The following CENPW variants were observed in gnomAD, a reference collection of about 807,000 sequenced individuals.
CENPW encodes the protein centromere protein W, also known as cancer-up-regulated gene 2 protein.
A neutral mutation model predicts 11.1 loss-of-function variants in CENPW; 3 were observed. The observed-to-expected ratio is 0.27, with a 90% CI of 0.12 to 0.70. The LOEUF is 0.70. Among genes scored for constraint, CENPW ranks in the 30% least tolerant of loss-of-function variants. The pLI is 0.77. For missense variants in CENPW, 100 were observed against 105.6 expected (o/e 0.95, Z 0.23); for synonymous variants, 38 against 42.0 (o/e 0.91, Z 0.37).
the CENPW span, among the ~76,000 whole-genome samples, chr6:126,440,738 T>G: frequency 6.6e-6 from 1 of 151,652 alleles, no homozygotes; most frequent in Non-Finnish European, 1.5e-5. Flanking sequence ...TCTGCTATAT[T>G]TGGCATTAAT....
At chr6:126,449,475 G>A in the CENPW span, among the ~76,000 whole-genome samples, 3 of 150,988 alleles carry the variant, frequency 2.0e-5, no homozygotes, top group South Asian at 6.2e-4. Flanking sequence ...GGTTCATTCT[G>A]TGTCTCTTTA....
the CENPW span, among the ~76,000 whole-genome samples, chr6:126,403,027 T>C: frequency 6.6e-6 from 1 of 152,120 alleles, no homozygotes; most frequent in African/African-American, 2.4e-5. Context: ...TTATTATGTC[T>C]TTTATGGTGA....
At chr6:126,388,331 T>C in the CENPW span, among the ~76,000 whole-genome samples, 63 of 152,134 alleles carry the variant, frequency 4.1e-4, no homozygotes, top group South Asian at 1.4e-3. Flanking sequence ...TAGATTGCTA[T>C]AATGTACAGG....
chr6:126,452,592 G>A, the CENPW span, among the ~76,000 whole-genome samples: 1 of 150,924 alleles, frequency 6.6e-6, no homozygotes, highest in Non-Finnish European at 1.5e-5. Flanking sequence ...TAGAACAACA[G>A]AGGAAAAAGA....
chr6:126,432,472 G>GT, the CENPW span, among the ~76,000 whole-genome samples: 13 of 151,870 alleles, frequency 8.6e-5, no homozygotes, highest in African/African-American at 3.1e-4. Context: ...ATATCTTACA[G>GT]TTTTTTTTAA....
chr6:126,366,735 C>A, the CENPW span, among the ~76,000 whole-genome samples: 1 of 152,238 alleles, frequency 6.6e-6, no homozygotes, highest in South Asian at 2.1e-4. Context: ...ATATCTTAGT[C>A]TCTTTTGTGT....
At chr6:126,383,095 C>A in the CENPW span, among the ~76,000 whole-genome samples, 15 of 152,222 alleles carry the variant, frequency 9.9e-5, no homozygotes, top group Admixed American at 3.3e-4. Flanking sequence ...TTCCACAAGT[C>A]AGAAGAGATT....
the CENPW span, among the ~76,000 whole-genome samples, chr6:126,369,037 G>C: frequency 6.6e-6 from 1 of 152,010 alleles, no homozygotes; most frequent in Non-Finnish European, 1.5e-5. Flanking sequence ...AACATACAAT[G>C]TTTGGTTTTC....
chr6:126,400,628 T>C, the CENPW span, among the ~76,000 whole-genome samples: 1 of 152,238 alleles, frequency 6.6e-6, no homozygotes, highest in African/African-American at 2.4e-5. Flanking sequence ...AATATTCTTC[T>C]TGTTTTATTT....
chr6:126,467,696 A>G, the CENPW span, among the ~76,000 whole-genome samples: 5 of 152,204 alleles, frequency 3.3e-5, no homozygotes, highest in Non-Finnish European at 5.9e-5. Flanking sequence ...AAAATTGTAA[A>G]TAATTTATGC....
At chr6:126,430,535 G>C in the CENPW span, among the ~76,000 whole-genome samples, 1 of 152,194 alleles carries the variant, frequency 6.6e-6, no homozygotes, top group African/African-American at 2.4e-5. Context: ...ACATGGGTCT[G>C]ACAGATTTCC....
the CENPW span, among the ~76,000 whole-genome samples, chr6:126,369,149 T>C: frequency 2.6e-5 from 4 of 152,116 alleles, no homozygotes; most frequent in Non-Finnish European, 5.9e-5. Context: ...CCATGGTGTG[T>C]GTATATATAT....
At chr6:126,436,846 T>A in the CENPW span, among the ~76,000 whole-genome samples, 1 of 151,992 alleles carries the variant, frequency 6.6e-6, no homozygotes, top group Middle Eastern at 3.2e-3. Flanking sequence ...TGATTTCTTT[T>A]AGGCATATGG....
the CENPW span, among the ~76,000 whole-genome samples, chr6:126,391,757 C>T: frequency 1.3e-5 from 2 of 151,852 alleles, no homozygotes; most frequent in African/African-American, 2.4e-5. Flanking sequence ...TTTTTGGCAC[C>T]TTTGTAAAAA....
the CENPW span, among the ~76,000 whole-genome samples, chr6:126,380,654 A>C: frequency 6.6e-6 from 1 of 152,284 alleles, no homozygotes; most frequent in Non-Finnish European, 1.5e-5. Flanking sequence ...TAGTAGACAA[A>C]ATAAAAATAT....
chr6:126,340,119 C>A lies in CENPW; in HGVS notation c.-155C>A. The A allele has an allele frequency of 1.4e-6, 1 of 724,910 alleles. No homozygotes were observed. The highest frequency in any genetic ancestry group is 2.3e-6 in the Non-Finnish European group (1 of 426,750). The allele number at this position is 724,910 out of a possible 1,614,324, so 44.9% of individuals were successfully genotyped here. On this transcript the variant is annotated 5_prime_UTR_variant, in exon 1 of 3. Coordinates refer to ENST00000368328, the MANE Select transcript of CENPW (RefSeq NM_001012507.4). ...TCACTACTGAGCGCCGGGCGCGTTCCGTTGGCGGCGGATTCGAACGTTCGG... is the reference window on the plus strand; with the variant it reads ...TCACTACTGAGCGCCGGGCGCGTTCAGTTGGCGGCGGATTCGAACGTTCGG...
the CENPW span, among the ~76,000 whole-genome samples, chr6:126,463,387 T>C: frequency 6.6e-6 from 1 of 151,920 alleles, no homozygotes; most frequent in East Asian, 1.9e-4. Flanking sequence ...TTTAAAAGAG[T>C]ATAAATTGTT....
chr6:126,358,647 G>A, the CENPW span, among the ~76,000 whole-genome samples: 1 of 152,084 alleles, frequency 6.6e-6, no homozygotes, highest in African/African-American at 2.4e-5. Context: ...GTGTTCATCA[G>A]GAATAGTGGC....
chr6:126,382,478 A>G, the CENPW span, among the ~76,000 whole-genome samples: 1 of 152,158 alleles, frequency 6.6e-6, no homozygotes, highest in African/African-American at 2.4e-5. Context: ...AATTCAGAAT[A>G]TAGATAGGAA....
Sources: allele counts gnomAD v4.1 joint callset (sites outside exome capture counted in the v4.1 genomes callset), GRCh38; gene constraint gnomAD v4.1.1; transcripts MANE v1.5; gene names NCBI Gene and HGNC (gene_info 2026-07-23, HGNC 2026-07-21).